SLC24A3: variants seen among roughly 807,000 people sequenced by gnomAD.
SLC24A3 encodes the protein solute carrier family 24 member 3, also known as sodium/potassium/calcium exchanger 3.
In SLC24A3, 28 loss-of-function variants were observed where a neutral mutation model predicts 75.8. That is an observed-to-expected ratio of 0.37 (90% CI 0.27 to 0.51). The LOEUF is 0.51. Ranked by LOEUF, SLC24A3 falls within the 20% of genes least tolerant of loss-of-function variation. The pLI, the probability that SLC24A3 is intolerant of heterozygous loss-of-function variation, is 0.94. For missense variants in SLC24A3, 663 were observed against 847.8 expected (o/e 0.78, Z 2.71); for synonymous variants, 372 against 334.1 (o/e 1.11, Z -1.24).
chr20:19,235,038 C>A (rs577194296), intron 1 of SLC24A3, among the ~76,000 whole-genome samples: 2 of 152,316 alleles, frequency 1.3e-5, no homozygotes, highest in Non-Finnish European at 2.9e-5. Context: ...TTAATGTGCC[C>A]ACTCCGGCTA....
intron 15 of SLC24A3, among the ~76,000 whole-genome samples, chr20:19,708,887 A>G (rs1163913309): frequency 6.6e-6 from 1 of 152,236 alleles, no homozygotes; most frequent in Non-Finnish European, 1.5e-5. Flanking sequence ...GGGTTCTTCC[A>G]GATCCTACTG....
At chr20:19,262,463 G>A (rs1036667968) in intron 1 of SLC24A3, among the ~76,000 whole-genome samples, 3 of 149,858 alleles carry the variant, frequency 2.0e-5, no homozygotes, top group Admixed American at 6.6e-5. Context: ...AGCTCTCTCT[G>A]ATAAAGAGGG....
chr20:19,410,005 C>T (rs895751585), intron 2 of SLC24A3, among the ~76,000 whole-genome samples: 20 of 152,156 alleles, frequency 1.3e-4, no homozygotes, highest in African/African-American at 4.8e-4. Context: ...ACATGCATCA[C>T]ATCTAAAATC....
chr20:19,575,951 T>C (rs1003661231), intron 3 of SLC24A3, among the ~76,000 whole-genome samples: 6 of 151,966 alleles, frequency 3.9e-5, no homozygotes, highest in African/African-American at 1.5e-4. Context: ...CCAGAAATGA[T>C]CTTTATACAG....
At chr20:19,484,358 C>T (rs894596717) in intron 2 of SLC24A3, among the ~76,000 whole-genome samples, 2 of 152,078 alleles carry the variant, frequency 1.3e-5, no homozygotes, top group African/African-American at 2.4e-5. Context: ...ATTTTGACTG[C>T]GACCTGTCAC....
chr20:19,513,111 GA>G (rs372679306), intron 2 of SLC24A3, among the ~76,000 whole-genome samples: 1,776 of 148,758 alleles, frequency 0.012, 44 homozygotes, highest in African/African-American at 0.041. Flanking sequence ...AAAATGCAAA[GA>G]AAAAAAAAAG....
chr20:19,417,583 G>T (rs889044819), intron 2 of SLC24A3, among the ~76,000 whole-genome samples: 5 of 152,086 alleles, frequency 3.3e-5, no homozygotes, highest in Non-Finnish European at 7.4e-5. Flanking sequence ...CAGAAATCAG[G>T]GTGCCAGATA....
intron 7 of SLC24A3, among the ~76,000 whole-genome samples, chr20:19,661,128 G>T (rs1451807867): frequency 1.3e-5 from 2 of 152,106 alleles, no homozygotes; most frequent in African/African-American, 2.4e-5. Flanking sequence ...GGTTTTCCCT[G>T]CCCAGCAAAC....
intron 2 of SLC24A3, among the ~76,000 whole-genome samples, chr20:19,503,977 A>G (rs1988425938): frequency 6.6e-6 from 1 of 152,184 alleles, no homozygotes; most frequent in Non-Finnish European, 1.5e-5. Context: ...TCATTTTAGG[A>G]CTTGGTTAGC....
chr20:19,281,237 A>G, intron 2 of SLC24A3, 150 bp downstream of exon 2: 2 of 1,141,196 alleles, frequency 1.8e-6, no homozygotes, highest in Non-Finnish European at 2.4e-6. Flanking sequence ...TTCAGGTGAC[A>G]TCCTGAGGGA....
At chr20:19,347,643 A>G (rs948113809) in intron 2 of SLC24A3, among the ~76,000 whole-genome samples, 2 of 152,344 alleles carry the variant, frequency 1.3e-5, no homozygotes, top group South Asian at 4.1e-4. Flanking sequence ...TTGGAACAGA[A>G]TTCATGGTTT....
intron 6 of SLC24A3, among the ~76,000 whole-genome samples, chr20:19,586,693 T>G (rs1401539101): frequency 6.6e-6 from 1 of 152,136 alleles, no homozygotes; most frequent in African/African-American, 2.4e-5. Context: ...GCCTATTGAT[T>G]TGTCTGGATT....
chr20:19,352,973 TATG>T (rs1479072740), intron 2 of SLC24A3, among the ~76,000 whole-genome samples: 1 of 152,224 alleles, frequency 6.6e-6, no homozygotes, highest in Non-Finnish European at 1.5e-5. Flanking sequence ...TTATCTTTTC[TATG>T]TTGAGATACA....
chr20:19,717,614 T>C, intron 16 of SLC24A3, 21 bp downstream of exon 16: 1 of 1,613,992 alleles, frequency 6.2e-7, no homozygotes, highest in Non-Finnish European at 8.5e-7. Context: ...AGCTCTCTCC[T>C]CGTACTTGTG....
chr20:19,653,803 C>A (rs1011845222), intron 6 of SLC24A3, among the ~76,000 whole-genome samples: 1 of 152,218 alleles, frequency 6.6e-6, no homozygotes, highest in African/African-American at 2.4e-5. Context: ...AGGCTGCATG[C>A]CCAGCTCCCC....
At position 19,676,259 on chromosome 20, in the gene SLC24A3, T is replaced by C. The variant is rs145861557; in HGVS notation, c.767+2605T>C. Among the ~76,000 whole-genome samples, 269 of 152,262 alleles carry C rather than the reference T, an allele frequency of 1.8e-3. 2 individuals carry two copies. Among genetic ancestry groups the C allele is most frequent in the Middle Eastern group, 3.4e-3 (1 of 294 alleles). On this transcript the variant is annotated intron_variant, in intron 9 of 16. Coordinates refer to ENST00000328041, the MANE Select transcript of SLC24A3 (RefSeq NM_020689.4). ...CTGGCAGGACACGTGTACAGTAAGA[T>C]AGTACAGCGAACACATCCTCTCCTC...
At chr20:19,695,464 A>G (rs1276844370) in intron 13 of SLC24A3, 4 of 152,090 alleles carry the variant, frequency 2.6e-5, no homozygotes, top group Non-Finnish European at 5.9e-5. Flanking sequence ...CTCCCTCATC[A>G]TCTGCCTCAT....
At chr20:19,354,354 G>A (rs542022853) in intron 2 of SLC24A3, among the ~76,000 whole-genome samples, 1 of 152,288 alleles carries the variant, frequency 6.6e-6, no homozygotes, top group Non-Finnish European at 1.5e-5. Context: ...ATGCAAACGA[G>A]GCAATAGGAG....
At chr20:19,320,195 C>T (rs773214725) in intron 2 of SLC24A3, among the ~76,000 whole-genome samples, 5 of 152,276 alleles carry the variant, frequency 3.3e-5, no homozygotes, top group East Asian at 1.9e-4. Flanking sequence ...TGTTTTCTGT[C>T]GGGCGCCGAC....
Sources: gnomAD v4.1 joint callset for allele counts (sites outside exome capture counted in the v4.1 genomes callset) on GRCh38, gnomAD v4.1.1 for gene constraint, MANE v1.5 for transcripts, NCBI Gene and HGNC (gene_info 2026-07-23, HGNC 2026-07-21) for gene names.